Variants in DNAH3 observed in about 807,000 individuals in gnomAD.
DNAH3 encodes dynein axonemal heavy chain 3.
In DNAH3, 332 loss-of-function variants were observed where a neutral mutation model predicts 432.5. The ratio of observed to expected loss-of-function variants is 0.77; its 90% confidence interval spans 0.70 to 0.84. The LOEUF is 0.84. Ranked by LOEUF, DNAH3 falls within the 40% of genes least tolerant of loss-of-function variation. DNAH3 has a pLI of 0.00. For missense variants in DNAH3, 4,861 were observed against 5,114.0 expected (o/e 0.95, Z 1.51); for synonymous variants, 1,956 against 1,900.2 (o/e 1.03, Z -0.76).
At chr16:21,104,623 A>C (rs1327611296) in intron 15 of DNAH3, 29 bp from the exon 16 acceptor site, 1 of 1,359,876 alleles carries the variant, frequency 7.4e-7, no homozygotes, top group East Asian at 2.3e-5. Context: ...CTGCTCCAGG[A>C]CACTGTTTAG....
At chr16:20,942,540 G>A (rs2083862568) in intron 58 of DNAH3, among the ~76,000 whole-genome samples, 1 of 152,290 alleles carries the variant, frequency 6.6e-6, no homozygotes, top group East Asian at 1.9e-4. Flanking sequence ...ATACTTAATG[G>A]CACTAGGAAC....
At chr16:21,024,055 T>C (rs1360594862) in intron 39 of DNAH3, among the ~76,000 whole-genome samples, 3 of 151,566 alleles carry the variant, frequency 2.0e-5, no homozygotes, top group Admixed American at 6.6e-5. Flanking sequence ...GGTCTGAGAG[T>C]GTGGTCAGGT....
chr16:21,040,475 G>C (rs138830342), intron 32 of DNAH3, among the ~76,000 whole-genome samples: 1 of 145,860 alleles, frequency 6.9e-6, no homozygotes, highest in Non-Finnish European at 1.5e-5. Context: ...AGCGATTCTC[G>C]TGCCTCAGCC....
intron 41 of DNAH3, among the ~76,000 whole-genome samples, chr16:21,010,937 CAAG>C (rs1205217982): frequency 5.7e-5 from 8 of 139,356 alleles, no homozygotes; most frequent in African/African-American, 2.2e-4. Flanking sequence ...TTAAAAAAAA[CAAG>C]CTGCTGCAAA....
chr16:21,034,470 G>GC (rs1434997689), intron 35 of DNAH3, among the ~76,000 whole-genome samples: 1 of 152,144 alleles, frequency 6.6e-6, no homozygotes, highest in Non-Finnish European at 1.5e-5. Context: ...TGCAGACAGG[G>GC]CTATTTGACT....
At chr16:21,153,727 C>T (rs544217099) in intron 1 of DNAH3, among the ~76,000 whole-genome samples, 1 of 152,232 alleles carries the variant, frequency 6.6e-6, no homozygotes, top group East Asian at 1.9e-4. Context: ...TCAGAAGGAA[C>T]AAACTCCAGA....
chr16:21,133,204 A>G (rs1180234390), intron 7 of DNAH3, among the ~76,000 whole-genome samples: 2 of 151,976 alleles, frequency 1.3e-5, no homozygotes, highest in East Asian at 3.9e-4. Flanking sequence ...AATACAAAAA[A>G]TTAGCTGGGT....
Position 21,146,077 on chromosome 16 carries a change from ACTTT to A in DNAH3, c.125_128del (p.Lys42MetfsTer7). ...AGTGGCTCATGTGATGTATGGAGTC[ACTTT>A]TGGCGATCTGTGGGACATGGGAACA... On this transcript the variant is annotated frameshift_variant, in exon 2 of 62. Transcript: ENST00000261383. LOFTEE classifies it high-confidence loss of function. 1 of 1,612,766 alleles carries A rather than the reference ACTTT, an allele frequency of 6.2e-7. No individual in the cohort carries two copies. Among genetic ancestry groups the A allele is most frequent in the Middle Eastern group, 1.7e-4 (1 of 6,060 alleles).
intron 41 of DNAH3, among the ~76,000 whole-genome samples, chr16:21,014,650 T>C (rs2087772751): frequency 6.6e-6 from 1 of 151,480 alleles, no homozygotes; most frequent in Non-Finnish European, 1.5e-5. Context: ...AAGGAAGAAA[T>C]AAAACTGTCT....
intron 1 of DNAH3, among the ~76,000 whole-genome samples, chr16:21,156,518 C>T (rs1270166): frequency 0.15 from 23,201 of 152,162 alleles, 2,355 homozygotes; most frequent in Non-Finnish European, 0.23. Flanking sequence ...AGGTGTGAGC[C>T]ACTGGGATCT....
At chr16:20,988,581 AGGC>A (rs2086341310) in intron 44 of DNAH3, among the ~76,000 whole-genome samples, 1 of 152,208 alleles carries the variant, frequency 6.6e-6, no homozygotes, top group South Asian at 2.1e-4. Flanking sequence ...CTGTGATTGC[AGGC>A]ATGAGACACC....
At chr16:20,964,570 T>C (rs1166398471) in exon 53 of DNAH3, 6 of 1,614,096 alleles carry the variant, frequency 3.7e-6, no homozygotes, top group Non-Finnish European at 5.1e-6. Flanking sequence ...ATCAGAGAAC[T>C]TGATGACAGC....
chr16:21,118,028 C>T (rs1478768660), intron 11 of DNAH3, among the ~76,000 whole-genome samples: 1 of 152,172 alleles, frequency 6.6e-6, no homozygotes, highest in Non-Finnish European at 1.5e-5. Context: ...CACTCTATGG[C>T]CCAGGCTGGA....
chr16:21,022,574 A>T (rs1231456087), intron 39 of DNAH3, among the ~76,000 whole-genome samples: 1 of 152,032 alleles, frequency 6.6e-6, no homozygotes, highest in Non-Finnish European at 1.5e-5. Flanking sequence ...AATTTACCAC[A>T]CGTATGGGTA....
chr16:20,980,312 ATAT>A (rs1351043584), intron 49 of DNAH3, among the ~76,000 whole-genome samples: 12 of 135,774 alleles, frequency 8.8e-5, no homozygotes, highest in South Asian at 2.1e-4. Context: ...ATTATATTAT[ATAT>A]TATAATATAT....
rs548319648 is a variant in DNAH3, at chr16:21,015,431, A to T, written c.6022+4193T>A. Among the ~76,000 whole-genome samples the T allele has an allele frequency of 2.6e-5, 4 of 152,258 alleles. No individual in the cohort carries two copies. The South Asian group carries it at 8.3e-4, about 32-fold the overall frequency. ...GGAGGATGAAGAGGTGGAGCACAGG[A>T]TTTTTTTGGGTTGTGTGAAACTATC... On this transcript the variant is annotated intron_variant, in intron 41 of 61. Coordinates refer to ENST00000261383, the Ensembl canonical transcript of DNAH3.
At chr16:21,106,008 C>T in intron 15 of DNAH3, among the ~76,000 whole-genome samples, 1 of 147,558 alleles carries the variant, frequency 6.8e-6, no homozygotes, top group Non-Finnish European at 1.5e-5. Flanking sequence ...GGTAAAACCC[C>T]GTCTCTACTA....
chr16:20,963,038 C>T (rs536666774), intron 53 of DNAH3, among the ~76,000 whole-genome samples: 51 of 152,328 alleles, frequency 3.3e-4, no homozygotes, highest in African/African-American at 1.2e-3. Flanking sequence ...TTCTGGTTCT[C>T]TTGAAAAATC....
rs2087340447 is a variant in DNAH3, at chr16:21,007,042, G to A, written c.6023-3835C>T. Among the ~76,000 whole-genome samples, 3 of 152,242 alleles carry A rather than the reference G, an allele frequency of 2.0e-5. No individual in the cohort carries two copies. In the South Asian group the frequency reaches 6.2e-4, roughly 32 times the overall value. On this transcript the variant is annotated intron_variant, in intron 41 of 61. Coordinates refer to ENST00000261383, the Ensembl canonical transcript of DNAH3. Reference sequence around the variant, plus strand: ...TTTACATTTCCATTATGGTAGATGAGAGTTCTGATCTTCCTGCATCCTCAC... The same window carrying A: ...TTTACATTTCCATTATGGTAGATGAAAGTTCTGATCTTCCTGCATCCTCAC...
Sources: gnomAD v4.1 joint callset for allele counts (sites outside exome capture counted in the v4.1 genomes callset) on GRCh38, gnomAD v4.1.1 for gene constraint, MANE v1.5 for transcripts, NCBI Gene and HGNC (gene_info 2026-07-23, HGNC 2026-07-21) for gene names.